Variants in PTPRD observed in about 807,000 individuals in gnomAD.
PTPRD encodes the protein protein tyrosine phosphatase receptor type D, also known as receptor-type tyrosine-protein phosphatase delta.
Under a neutral mutation model 214.5 loss-of-function variants are expected in PTPRD, and 34 were observed. The observed-to-expected ratio is 0.16, with a 90% CI of 0.12 to 0.21. The LOEUF (loss-of-function observed/expected upper bound fraction) is 0.21. PTPRD is among the 10% of genes least tolerant of loss of function. The pLI is 1.00. For missense variants in PTPRD, 2,545 were observed against 2,398.7 expected, an observed-to-expected ratio of 1.06 and a Z score of -1.27; for synonymous variants, 1,128 against 845.7, an observed-to-expected ratio of 1.33 and a Z score of -5.79.
intron 2 of PTPRD, among the ~76,000 whole-genome samples, chr9:10,404,381 G>A (rs2098326524): frequency 1.3e-5 from 2 of 151,652 alleles, no homozygotes; most frequent in South Asian, 2.1e-4. Context: ...CTTTGTTCCA[G>A]AACAGTTAAG....
intron 12 of PTPRD, among the ~76,000 whole-genome samples, chr9:8,707,354 A>G (rs183584401): frequency 6.6e-6 from 1 of 152,366 alleles, no homozygotes; most frequent in African/African-American, 2.4e-5. Context: ...GTCTCTCAAA[A>G]GCAAGTAATG....
At chr9:9,199,506 G>A (rs2099940619) in intron 9 of PTPRD, among the ~76,000 whole-genome samples, 1 of 152,210 alleles carries the variant, frequency 6.6e-6, no homozygotes, top group East Asian at 1.9e-4. Flanking sequence ...GCGCTAATGA[G>A]AGGAATGAAA....
chr9:8,381,984 C>G (rs768985756), intron 37 of PTPRD, among the ~76,000 whole-genome samples: 1 of 152,180 alleles, frequency 6.6e-6, no homozygotes, highest in Non-Finnish European at 1.5e-5. Flanking sequence ...CTCAGAGTAT[C>G]CACCTCAGAC....
At chr9:9,412,974 G>C (rs2075912911) in intron 8 of PTPRD, among the ~76,000 whole-genome samples, 1 of 151,948 alleles carries the variant, frequency 6.6e-6, no homozygotes, top group Non-Finnish European at 1.5e-5. Context: ...GAACTTAGCA[G>C]TCCACCTCAT....
intron 8 of PTPRD, among the ~76,000 whole-genome samples, chr9:9,441,376 G>C (rs907758408): frequency 6.6e-6 from 1 of 152,174 alleles, no homozygotes; most frequent in Non-Finnish European, 1.5e-5. Context: ...TAAAAAGGTA[G>C]AAATAAACTG....
chr9:10,516,234 C>T (rs1441755826), intron 2 of PTPRD, among the ~76,000 whole-genome samples: 4 of 151,718 alleles, frequency 2.6e-5, no homozygotes, highest in South Asian at 2.1e-4. Context: ...CTGATCAACA[C>T]TTGTCTTTTT....
intron 39 of PTPRD, among the ~76,000 whole-genome samples, chr9:8,349,121 C>T (rs2074694065): frequency 6.6e-6 from 1 of 152,124 alleles, no homozygotes; most frequent in African/African-American, 2.4e-5. Context: ...GGGAACATTT[C>T]CCCGAAGCCC....
Position 10,095,505 on chromosome 9 carries a change from A to C in PTPRD, c.-544-61715T>G, listed in dbSNP as rs2098474236. ...GCAGTCTTATCCCTTCTGATTACTC[A>C]TAATCAACAACTGCATTTCAATACA... On this transcript the variant is annotated intron_variant, in intron 3 of 45. Coordinates refer to ENST00000381196, the MANE Select transcript of PTPRD (RefSeq NM_002839.4). Among the ~76,000 whole-genome samples the C allele has an allele frequency of 2.0e-5, 3 of 151,584 alleles. No individual in the cohort carries two copies. In the Admixed American group the frequency reaches 2.0e-4, roughly 10 times the overall value.
chr9:8,784,485 A>T (rs2095859659), intron 11 of PTPRD, among the ~76,000 whole-genome samples: 1 of 152,248 alleles, frequency 6.6e-6, no homozygotes, highest in Non-Finnish European at 1.5e-5. Context: ...CCTGGCATAG[A>T]GAAGCCACCC....
chr9:9,741,527 A>G (rs1057134583), intron 6 of PTPRD, among the ~76,000 whole-genome samples: 2 of 152,152 alleles, frequency 1.3e-5, no homozygotes, highest in South Asian at 2.1e-4. Context: ...ACATAGGTAT[A>G]CATGTGCCAT....
chr9:9,653,945 A>T (rs543292962), intron 7 of PTPRD, among the ~76,000 whole-genome samples: 1 of 152,128 alleles, frequency 6.6e-6, no homozygotes, highest in South Asian at 2.1e-4. Flanking sequence ...TATTATATAT[A>T]AACTTTTTTA....
chr9:8,501,007 A>G lies in PTPRD; in HGVS notation c.1875T>C (p.Ser625=). The G allele has an allele frequency of 6.2e-7, 1 of 1,614,148 alleles. No individual in the cohort carries two copies. Among genetic ancestry groups the G allele is most frequent in the Non-Finnish European group, 8.5e-7 (1 of 1,180,002 alleles). Residue 625 remains serine (S), a synonymous_variant, in exon 24 of 46, where the codon AGT becomes AGC. Coordinates refer to ENST00000381196, the MANE Select transcript of PTPRD (RefSeq NM_002839.4). ...GTGGAGGTTGCCAACTTACCAAAAT[A>G]CTAGTGGAACTTGGGCTGGTGCAAC... The part of the protein sequence containing the change: ...DISCTSPSST[S]ILVSWQPPPV...
chr9:9,337,148 T>C (rs922122479), intron 9 of PTPRD, among the ~76,000 whole-genome samples: 6 of 152,158 alleles, frequency 3.9e-5, no homozygotes, highest in Admixed American at 3.3e-4. Context: ...GAATGCTTTC[T>C]GAGAAAGAAA....
intron 9 of PTPRD, among the ~76,000 whole-genome samples, chr9:9,290,833 C>A (rs1294830761): frequency 1.3e-5 from 2 of 151,474 alleles, no homozygotes; most frequent in Admixed American, 1.3e-4. Context: ...GTTAGGTAAT[C>A]AAGAAATATA....
At chr9:9,729,340 A>G (rs1347715595) in intron 7 of PTPRD, among the ~76,000 whole-genome samples, 1 of 152,070 alleles carries the variant, frequency 6.6e-6, no homozygotes, top group Non-Finnish European at 1.5e-5. Flanking sequence ...TCTCCTTTGC[A>G]GAGGAAGAGA....
chr9:8,500,255 T>C (rs548099114), intron 24 of PTPRD, among the ~76,000 whole-genome samples: 160 of 152,034 alleles, frequency 1.1e-3, no homozygotes, highest in African/African-American at 3.8e-3. Flanking sequence ...AATAAAAAGA[T>C]TCTTGATTAT....
chr9:8,376,826 CA>C (rs2083394157), intron 37 of PTPRD, 100 bp from the exon 38 acceptor site: 4 of 1,471,658 alleles, frequency 2.7e-6, no homozygotes, highest in Non-Finnish European at 3.7e-6. Flanking sequence ...TTCTGCACTT[CA>C]TTTTATGTTG....
At chr9:8,355,197 C>G (rs1247580772) in intron 39 of PTPRD, among the ~76,000 whole-genome samples, 3 of 152,218 alleles carry the variant, frequency 2.0e-5, no homozygotes, top group East Asian at 3.9e-4. Flanking sequence ...CCTCTCCTGT[C>G]TCTCTCTTGC....
At chr9:9,700,752 CCTAA>C (rs200979060) in intron 7 of PTPRD, among the ~76,000 whole-genome samples, 3,442 of 151,712 alleles carry the variant, frequency 0.023, 123 homozygotes, top group African/African-American at 0.078. Context: ...GTTTTCTGAC[CCTAA>C]CTAAGTTTAA....
Sources: gnomAD v4.1 joint callset for allele counts (sites outside exome capture counted in the v4.1 genomes callset) on GRCh38, gnomAD v4.1.1 for gene constraint, MANE v1.5 for transcripts, NCBI Gene and HGNC (gene_info 2026-07-23, HGNC 2026-07-21) for gene names.